Variants in PPP1R9B observed in about 807,000 individuals in gnomAD.
PPP1R9B encodes the protein protein phosphatase 1 regulatory subunit 9B, also known as neurabin-2.
In PPP1R9B, 17 loss-of-function variants were observed where a neutral mutation model predicts 75.8. The ratio of observed to expected loss-of-function variants is 0.22; its 90% CI spans 0.15 to 0.34. The LOEUF is 0.34. PPP1R9B is among the 10% of genes least tolerant of loss of function. The pLI is 1.00. For missense variants in PPP1R9B, 875 were observed against 1,196.0 expected (o/e 0.73, Z 3.96); for synonymous variants, 509 against 535.4 (o/e 0.95, Z 0.68).
Position 50,139,589 on chromosome 17 carries a change from G to A in PPP1R9B, c.1867-8C>T, listed in dbSNP as rs1912317415. On this transcript the variant is annotated splice_region_variant and splice_polypyrimidine_tract_variant and intron_variant, in intron 5 of 9. Transcript: ENST00000612501. The surrounding 1 kb of genome is among the most constrained non-coding windows in gnomAD (Gnocchi z 5.0). Reference sequence around the variant, plus strand: ...AGTGGCATACTCTCCCGTCTGCGAAGGGAGACCGGAGACTGTGGGCCCACC... The same window carrying A: ...AGTGGCATACTCTCCCGTCTGCGAAAGGAGACCGGAGACTGTGGGCCCACC... 6.5e-7 allele frequency: 1 copy of A among 1,537,104 alleles called. No individual in the cohort carries two copies. Among genetic ancestry groups the A allele is most frequent in the African/African-American group, 1.4e-5 (1 of 72,522 alleles).
intron 3 of PPP1R9B, among the ~76,000 whole-genome samples, chr17:50,141,741 A>T (rs572499290): frequency 1.3e-5 from 2 of 152,098 alleles, no homozygotes; most frequent in Non-Finnish European, 2.9e-5. Context: ...CCTCACAGGG[A>T]CCTGGTACTT....
intron 4 of PPP1R9B, 196 bp from the exon 5 acceptor site, chr17:50,140,424 G>A (rs1912344782): frequency 2.8e-6 from 2 of 714,302 alleles, no homozygotes; most frequent in Non-Finnish European, 4.5e-6. Context: ...AAGGGAGGCA[G>A]GAAGGCCCAT....
chr17:50,140,439 C>A, intron 4 of PPP1R9B: 1 of 642,694 alleles, frequency 1.6e-6, no homozygotes, highest in Non-Finnish European at 2.6e-6. Flanking sequence ...GCCCATTCAC[C>A]CCTCTGGCCA....
chr17:50,149,168 A>G lies in PPP1R9B; in HGVS notation c.1346T>C (p.Ile449Thr). 6.5e-7 allele frequency: 1 copy of G among 1,536,720 alleles called. No individual in the cohort carries two copies. Among genetic ancestry groups the G allele is most frequent in the Non-Finnish European group, 8.8e-7 (1 of 1,140,818 alleles). ...TTGGATGGGCGCCGTGCTGAAATGGATCTTCCGGCTCGGGGCTGGGTCCTC... is the reference window on the plus strand; with the variant it reads ...TTGGATGGGCGCCGTGCTGAAATGGGTCTTCCGGCTCGGGGCTGGGTCCTC... ...EEEDPAPSRK[I>T]HFSTAPIQVF... is the part of the protein sequence containing the mutation. The change falls in exon 1 of 10, where the codon ATC becomes ACC. Residue 449 changes from isoleucine (I) to threonine (T), a missense_variant. Physicochemically the swap from Ile to Thr is moderately conservative, Grantham distance 89. This residue lies in a region of PPP1R9B where 63 missense variants were observed against 160.2 expected (regional missense o/e 0.39). Transcript: ENST00000612501. The surrounding 1 kb of genome is among the most constrained non-coding windows in gnomAD (Gnocchi z 7.2).
Position 50,143,695 on chromosome 17 carries a change from T to C in PPP1R9B, c.1528A>G (p.Ile510Val). The C allele has an allele frequency of 6.2e-7, 1 of 1,613,970 alleles. No homozygotes were observed. Among genetic ancestry groups the C allele is most frequent in the Non-Finnish European group, 8.5e-7 (1 of 1,179,880 alleles). Residue 510 changes from isoleucine to valine, a missense_variant, in exon 3 of 10, where the codon ATC (isoleucine) becomes GTC (valine). Coordinates refer to ENST00000612501, the MANE Select transcript of PPP1R9B (RefSeq NM_032595.5). ...EKDSEGLGISIIGMGAGADMG... is the reference protein window; with the variant it reads ...EKDSEGLGISVIGMGAGADMG... ...TCTGCCCCGGCGCCCATGCCGATGA[T>C]GCTGATGCCCAGGCCCTCGGAGTCT...
chr17:50,135,235 C>T lies in PPP1R9B; in HGVS notation c.*96G>A. The T allele has an allele frequency of 9.4e-7, 1 of 1,066,242 alleles. No individual in the cohort carries two copies. Among genetic ancestry groups the T allele is most frequent in the Non-Finnish European group, 1.4e-6 (1 of 704,966 alleles). The allele number at this position is 1,066,242 out of a possible 1,614,324, so 66.0% of individuals were successfully genotyped here. ...GGTGGGGGGAGTCGGGGCACCTGTCCCCAGGCTGGAAGGGGGAGGGGTGGG... is the reference window on the plus strand; with the variant it reads ...GGTGGGGGGAGTCGGGGCACCTGTCTCCAGGCTGGAAGGGGGAGGGGTGGG... On this transcript the variant is annotated 3_prime_UTR_variant, in exon 10 of 10. Coordinates refer to ENST00000612501, the MANE Select transcript of PPP1R9B (RefSeq NM_032595.5).
Position 50,144,964 on chromosome 17 carries a change from CGGGGAAG to C in PPP1R9B, c.1504+142_1504+148del, listed in dbSNP as rs141401992. ...GCTCTGGGTGCTGACAAGGGAGGAG[CGGGGAAG>C]GTCACCAAGGGCCTGAGTCAGAGGG... On this transcript the variant is annotated intron_variant, in intron 2 of 9. Transcript: ENST00000612501. The C allele has an allele frequency of 1.1e-3, 1,098 of 969,140 alleles. 3 individuals are homozygous for C. In the African/African-American group the frequency reaches 0.016, roughly 14 times the overall value. The allele number at this position is 969,140 out of a possible 1,614,324, so 60.0% of individuals were successfully genotyped here.
chr17:50,139,990 G>T lies in PPP1R9B; in HGVS notation c.1866+103C>A. 1 of 1,304,174 alleles carries T rather than the reference G, an allele frequency of 7.7e-7. No individual in the cohort carries two copies. Among genetic ancestry groups the T allele is most frequent in the Non-Finnish European group, 1.1e-6 (1 of 951,216 alleles). 80.8% of individuals were successfully genotyped at this position (1,304,174 alleles called of 1,614,324 possible). A position where few individuals can be genotyped will look rare whatever the true frequency, so the allele number is the denominator to read the frequency against. Reference sequence around the variant, plus strand: ...CTGGAGGACAGGGAATGGCACTGTGGGCTTTTTACTAGGGCAGGGGAAGCA... The same window carrying T: ...CTGGAGGACAGGGAATGGCACTGTGTGCTTTTTACTAGGGCAGGGGAAGCA... On this transcript the variant is annotated intron_variant, in intron 5 of 9. Coordinates refer to ENST00000612501, the MANE Select transcript of PPP1R9B (RefSeq NM_032595.5). This position sits in a 1 kb window ranked among gnomAD's most constrained non-coding sequence, Gnocchi z 5.0.
At chr17:50,140,004 G>A (rs1023322850) in intron 5 of PPP1R9B, 89 bp downstream of exon 5, 1 of 1,421,728 alleles carries the variant, frequency 7.0e-7, no homozygotes, top group Non-Finnish European at 9.5e-7. Context: ...TTTTACTAGG[G>A]CAGGGGAAGC....
intron 2 of PPP1R9B, among the ~76,000 whole-genome samples, 159 bp from the exon 3 acceptor site, chr17:50,143,877 C>T (rs964104701): frequency 2.0e-5 from 3 of 152,224 alleles, no homozygotes; most frequent in African/African-American, 7.2e-5. Flanking sequence ...ACCGTCTTTG[C>T]CAAGTCTACT....
chr17:50,144,770 T>C (rs959502756), intron 2 of PPP1R9B, among the ~76,000 whole-genome samples: 4 of 152,130 alleles, frequency 2.6e-5, no homozygotes, highest in Admixed American at 6.5e-5. Flanking sequence ...GTGCCTTCCA[T>C]GTCTGCCTCC....
chr17:50,140,008 G>C, intron 5 of PPP1R9B, 85 bp downstream of exon 5: 1 of 1,451,380 alleles, frequency 6.9e-7, no homozygotes, highest in Non-Finnish European at 9.4e-7. Context: ...ACTAGGGCAG[G>C]GGAAGCAGTA....
At chr17:50,148,862 G>T (rs866735482) in intron 1 of PPP1R9B, among the ~76,000 whole-genome samples, 1 of 152,212 alleles carries the variant, frequency 6.6e-6, no homozygotes, top group African/African-American at 2.4e-5. Context: ...CAGGACCCGC[G>T]TGGGGCAGGG....
In PPP1R9B at chr17:50,135,553, C is replaced by T; in HGVS notation, c.2400G>A (p.Lys800=). The change falls in exon 9 of 10, where the codon AAG becomes AAA. Residue 800 remains lysine, a splice_region_variant and synonymous_variant. Transcript: ENST00000612501. The stretch of plus-strand genomic sequence containing the variant: ...TGCCCACAGGGCGCCCCAGGCCCAC[C>T]TTGTCCAGGAGCTTGTCCATCTCCT... ...RKEEMDKLLD[K]ISELEGNLQT... is the part of the protein sequence containing the mutation. 2 of 1,610,360 alleles carry T rather than the reference C, an allele frequency of 1.2e-6. No homozygotes were observed. The highest frequency in any genetic ancestry group is 8.5e-7 in the Non-Finnish European group (1 of 1,178,096).
Position 50,149,263 on chromosome 17 carries a change from G to C in PPP1R9B, c.1251C>G (p.Asp417Glu), listed in dbSNP as rs1220146431. The C allele has an allele frequency of 1.2e-6, 2 of 1,611,368 alleles. No individual in the cohort carries two copies. The highest frequency in any genetic ancestry group is 1.1e-5 in the South Asian group (1 of 90,860). Residue 417 changes from aspartate (D) to glutamate (E), a missense_variant, in exon 1 of 10, where the codon GAC becomes GAG. Transcript: ENST00000612501. The surrounding 1 kb of genome is among the most constrained non-coding windows in gnomAD (Gnocchi z 7.2). ...GSALEEDDEDDEEDGEPPYEP... is the reference protein window; with the variant it reads ...GSALEEDDEDEEEDGEPPYEP... ...CGTAGGGGGGCTCCCCATCCTCCTC[G>C]TCGTCTTCGTCGTCCTCCTCCAGGG...
At chr17:50,145,285 G>A (rs1299628487) in intron 1 of PPP1R9B, 40 bp from the exon 2 acceptor site, 10 of 1,609,378 alleles carry the variant, frequency 6.2e-6, no homozygotes, top group Non-Finnish European at 6.8e-6. Flanking sequence ...CCGGCAGGAG[G>A]ACAAGTGCAG....
At position 50,149,185 on chromosome 17, in the gene PPP1R9B, T is replaced by C. The variant is rs771067283; in HGVS notation, c.1329A>G (p.Pro443=). 4 of 1,580,930 alleles carry C rather than the reference T, an allele frequency of 2.5e-6. No homozygotes were observed. In the South Asian group the frequency reaches 4.6e-5, roughly 18 times the overall value. Residue 443 remains proline, a synonymous_variant, in exon 1 of 10, where the codon CCA becomes CCG. Coordinates refer to ENST00000612501, the MANE Select transcript of PPP1R9B (RefSeq NM_032595.5). This position sits in a 1 kb window ranked among gnomAD's most constrained non-coding sequence, Gnocchi z 7.2. ...TGAAATGGATCTTCCGGCTCGGGGC[T>C]GGGTCCTCCTCCTCCGACAGCCCCG... The part of the protein sequence containing the change: ...EIPGLSEEED[P]APSRKIHFST...
intron 3 of PPP1R9B, among the ~76,000 whole-genome samples, chr17:50,141,884 T>C (rs988355882): frequency 7.9e-5 from 12 of 152,172 alleles, no homozygotes; most frequent in Non-Finnish European, 1.3e-4. Context: ...GCACACTTCC[T>C]GTGACAATCA....
Position 50,139,228 on chromosome 17 carries a change from C to T in PPP1R9B, c.2073+35G>A, listed in dbSNP as rs775376333. The T allele has an allele frequency of 8.1e-6, 13 of 1,613,168 alleles. No individual in the cohort carries two copies. In the Admixed American group the frequency reaches 8.3e-5, roughly 10 times the overall value. On this transcript the variant is annotated intron_variant, in intron 7 of 9. Transcript: ENST00000612501. The surrounding 1 kb of genome is among the most constrained non-coding windows in gnomAD (Gnocchi z 5.0). Reference sequence around the variant, plus strand: ...GACCCTGCTCCTCAACACACACATGCACGCACGCAAAAGCACACACATACG... The same window carrying T: ...GACCCTGCTCCTCAACACACACATGTACGCACGCAAAAGCACACACATACG...
Sources: gnomAD v4.1 joint callset for allele counts (sites outside exome capture counted in the v4.1 genomes callset) on GRCh38, gnomAD v4.1.1 for gene constraint, gnomAD v4.1.1 regional missense constraint, Gnocchi (gnomAD v3.1) non-coding constraint, MANE v1.5 for transcripts, NCBI Gene and HGNC (gene_info 2026-07-23, HGNC 2026-07-21) for gene names.